BRCA1: variants seen among roughly 807,000 people sequenced by gnomAD.
BRCA1 encodes breast cancer type 1 susceptibility protein.
A neutral mutation model predicts 173.7 loss-of-function variants in BRCA1; 140 were observed. That is an observed-to-expected ratio of 0.81 (90% CI 0.70 to 0.93). The LOEUF (loss-of-function observed/expected upper bound fraction) is 0.93, where lower values mean the gene tolerates loss of function less well. Ranked by LOEUF, BRCA1 falls within the 40% of genes least tolerant of loss-of-function variation. The pLI, the probability that BRCA1 is intolerant of heterozygous loss-of-function variation, is 0.00. For synonymous variants in BRCA1, 662 were observed against 756.0 expected, an observed-to-expected ratio of 0.88 and a Z score of 2.04; for missense variants, 1,983 against 2,172.5, an observed-to-expected ratio of 0.91 and a Z score of 1.73.
At chr17:43,166,594 G>T (rs2056269990) in intron 1 of BRCA1, 1 of 152,034 alleles carries the variant, frequency 6.6e-6, no homozygotes, top group Non-Finnish European at 1.5e-5. Flanking sequence ...GCTTATTCGT[G>T]CCTGACCTAT....
intron 5 of BRCA1, 119 bp from the exon 6 acceptor site, chr17:43,104,380 G>A: frequency 1.8e-6 from 2 of 1,101,810 alleles, no homozygotes; most frequent in South Asian, 1.5e-5. Flanking sequence ...AATGCATTAA[G>A]GTTACCTGTG....
chr17:43,139,825 G>A (rs1444982334), intron 1 of BRCA1: 4 of 463,424 alleles, frequency 8.6e-6, no homozygotes, highest in South Asian at 6.2e-5. Context: ...GTTTGCTGAG[G>A]ATAATGGCCT....
chr17:43,112,709 G>A (rs1225809287), intron 3 of BRCA1: 1 of 92,366 alleles, frequency 1.1e-5, no homozygotes, highest in Non-Finnish European at 2.1e-5. Context: ...GTTCTTTCCT[G>A]ACTATCACAA....
chr17:43,124,885 T>C lies in BRCA1; in HGVS notation c.-20+386A>G, dbSNP rs2154579506. The C allele has an allele frequency of 6.5e-6, 2 of 309,212 alleles. No individual in the cohort carries two copies. Among genetic ancestry groups the C allele is most frequent in the Non-Finnish European group, 6.4e-6 (1 of 155,820 alleles). 19.2% of individuals were successfully genotyped at this position (309,212 alleles called of 1,614,324 possible). Reference sequence around the variant, plus strand: ...GATTCTCCTGCCTCAGCCTCCTGAGTAGCTGGAGCGGCACCACGCCCGGCT... The same window carrying C: ...GATTCTCCTGCCTCAGCCTCCTGAGCAGCTGGAGCGGCACCACGCCCGGCT... On this transcript the variant is annotated intron_variant, in intron 1 of 22. Transcript: ENST00000357654.
intron 1 of BRCA1, among the ~76,000 whole-genome samples, chr17:43,131,040 G>A (rs2055960545): frequency 6.6e-6 from 1 of 152,146 alleles, no homozygotes; most frequent in Non-Finnish European, 1.5e-5. Flanking sequence ...TGGGTGTGTT[G>A]CAGATATTAA....
intron 13 of BRCA1, among the ~76,000 whole-genome samples, chr17:43,075,313 A>G (rs952719632): frequency 3.9e-5 from 6 of 152,204 alleles, no homozygotes; most frequent in Non-Finnish European, 7.3e-5. Context: ...TGCCTTTTCA[A>G]TGTTCAAATT....
At chr17:43,074,265 A>G in intron 14 of BRCA1, 66 bp downstream of exon 14, 1 of 1,580,656 alleles carries the variant, frequency 6.3e-7, no homozygotes, top group South Asian at 1.1e-5. Context: ...GTTAACCAGA[A>G]TATCTTTATG....
At chr17:43,068,004 G>A (rs535077186) in intron 15 of BRCA1, among the ~76,000 whole-genome samples, 8 of 151,070 alleles carry the variant, frequency 5.3e-5, no homozygotes, top group East Asian at 3.9e-4. Context: ...TCGGCTGGGC[G>A]CGGTGGCTCA....
intron 14 of BRCA1, among the ~76,000 whole-genome samples, chr17:43,072,375 G>T (rs1433028117): frequency 6.6e-6 from 1 of 151,710 alleles, no homozygotes; most frequent in Non-Finnish European, 1.5e-5. Flanking sequence ...GGCAACAAGA[G>T]TGAAACTCCG....
intron 6 of BRCA1, 55 bp downstream of exon 6, chr17:43,104,067 A>G: frequency 2.5e-6 from 2 of 812,380 alleles, no homozygotes; most frequent in African/African-American, 1.7e-5. Flanking sequence ...CAAAAAAAAA[A>G]AAGAAAAAAA....
chr17:43,065,076 C>T (rs1266984782), intron 16 of BRCA1, among the ~76,000 whole-genome samples: 15 of 152,038 alleles, frequency 9.9e-5, no homozygotes, highest in African/African-American at 2.9e-4. Flanking sequence ...GTGATCTGCC[C>T]GCCTTGGCCC....
chr17:43,060,369 G>C, intron 18 of BRCA1, among the ~76,000 whole-genome samples: 1 of 151,934 alleles, frequency 6.6e-6, no homozygotes, highest in East Asian at 1.9e-4. Context: ...GCATTTTTTA[G>C]TAGAGATGGG....
intron 6 of BRCA1, among the ~76,000 whole-genome samples, chr17:43,100,953 A>C (rs2054448297): frequency 6.6e-6 from 1 of 150,438 alleles, no homozygotes; most frequent in Non-Finnish European, 1.5e-5. Context: ...CTGGTCTCAC[A>C]CTCCTGACCT....
intron 11 of BRCA1, 34 bp downstream of exon 11, chr17:43,090,910 C>G (rs1004447600): frequency 6.4e-7 from 1 of 1,563,224 alleles, no homozygotes; most frequent in Non-Finnish European, 8.7e-7. Flanking sequence ...GGACACCACA[C>G]ACACGCATGT....
rs1597945392 is a variant in BRCA1, at chr17:43,158,346, G to A, written c.-20+11780C>T. ...TGCTTCTCTGGCTCTGATTTTCAAT[G>A]AATTGATAAATTGTAAATCTTGTTT... On this transcript the variant is annotated intron_variant, in intron 1 of 7. Coordinates refer to the BRCA1 transcript ENST00000634433. 3.9e-5 allele frequency among the ~76,000 whole-genome samples: 6 copies of A among 152,216 alleles called. No homozygotes were observed. The South Asian group carries it at 1.0e-3, about 26-fold the overall frequency.
At chr17:43,118,576 C>T (rs1242006420) in intron 2 of BRCA1, among the ~76,000 whole-genome samples, 1 of 151,598 alleles carries the variant, frequency 6.6e-6, no homozygotes, top group East Asian at 1.9e-4. Context: ...AGTGAGCCAC[C>T]ATGCCAGCCA....
At chr17:43,147,436 G>A (rs540072666) in intron 1 of BRCA1, among the ~76,000 whole-genome samples, 3 of 152,230 alleles carry the variant, frequency 2.0e-5, no homozygotes, top group East Asian at 3.9e-4. Flanking sequence ...TGATCTGCCC[G>A]CCTCGGCCTC....
intron 1 of BRCA1, among the ~76,000 whole-genome samples, chr17:43,134,638 A>G (rs2056000665): frequency 6.6e-6 from 1 of 152,200 alleles, no homozygotes; most frequent in Non-Finnish European, 1.5e-5. Context: ...TAACACCAAG[A>G]AAATAGTTGT....
At position 43,093,008 on chromosome 17, in the gene BRCA1, C is replaced by T. The variant is rs773013395; in HGVS notation, c.2523G>A (p.Arg841=). ...TTTCTTCCATTTCTATGCTTGTTTC[C>T]CGACTGTGGTTAACTTCATGTCCCA... The part of the protein sequence containing the change: ...YPLGHEVNHS[R]ETSIEMEESE... Residue 841 remains arginine, a synonymous_variant, in exon 10 of 23, where the codon CGG becomes CGA. Transcript: ENST00000357654. The T allele has an allele frequency of 6.8e-6, 11 of 1,613,780 alleles. No individual in the cohort carries two copies. Among genetic ancestry groups the T allele is most frequent in the Non-Finnish European group, 8.5e-6 (10 of 1,179,864 alleles).
Sources: gnomAD v4.1 joint callset for allele counts (sites outside exome capture counted in the v4.1 genomes callset) on GRCh38, gnomAD v4.1.1 for gene constraint, MANE v1.5 for transcripts, NCBI Gene and HGNC (gene_info 2026-07-23, HGNC 2026-07-21) for gene names.